The following PRKD1 variants were observed in gnomAD, a reference collection of about 807,000 sequenced individuals.
The protein encoded by PRKD1 is serine/threonine-protein kinase D1.
In PRKD1, 63 loss-of-function variants were observed where a neutral mutation model predicts 95.9. That is an observed-to-expected ratio of 0.66 (90% CI 0.54 to 0.81). The LOEUF (loss-of-function observed/expected upper bound fraction) is 0.81. Ranked by LOEUF, PRKD1 falls within the 30% of genes least tolerant of loss-of-function variation. The pLI is 0.00. For synonymous variants in PRKD1, 425 were observed against 423.1 expected (o/e 1.00, Z -0.05); for missense variants, 1,048 against 1,165.3 (o/e 0.90, Z 1.47).
chr14:29,635,169 A>G (rs1295046709), intron 7 of PRKD1, among the ~76,000 whole-genome samples: 1 of 152,250 alleles, frequency 6.6e-6, no homozygotes, highest in Non-Finnish European at 1.5e-5. Context: ...AGACTCACAC[A>G]TGAAAGCTTA....
chr14:29,853,278 A>C (rs1892376374), intron 1 of PRKD1, among the ~76,000 whole-genome samples: 1 of 152,232 alleles, frequency 6.6e-6, no homozygotes, highest in Admixed American at 6.5e-5. Context: ...AAAGTCCTAT[A>C]ACTTTACTGC....
intron 1 of PRKD1, among the ~76,000 whole-genome samples, chr14:29,893,284 C>G (rs1894003425): frequency 1.3e-5 from 2 of 151,718 alleles, no homozygotes; most frequent in African/African-American, 4.8e-5. Context: ...CCAACAAAAC[C>G]AAATTTTCTT....
intron 1 of PRKD1, among the ~76,000 whole-genome samples, chr14:29,808,146 T>C (rs1304863327): frequency 1.3e-5 from 2 of 152,160 alleles, no homozygotes; most frequent in Non-Finnish European, 2.9e-5. Flanking sequence ...TCTTTCAAAA[T>C]TGGAGTCAAT....
At chr14:29,926,506 C>T (rs536880140) in intron 1 of PRKD1, among the ~76,000 whole-genome samples, 3 of 152,264 alleles carry the variant, frequency 2.0e-5, no homozygotes, top group Admixed American at 2.0e-4. Flanking sequence ...AATGACCCTT[C>T]TAACCTGCCT....
chr14:29,628,905 C>CAG (rs869307663), intron 11 of PRKD1, 136 bp downstream of exon 11: 10 of 307,986 alleles, frequency 3.2e-5, no homozygotes, highest in Non-Finnish European at 4.6e-5. Context: ...TAAAATATCA[C>CAG]AAAAAAATAT....
At chr14:29,600,234 G>A (rs952317537) in intron 13 of PRKD1, among the ~76,000 whole-genome samples, 16 of 151,994 alleles carry the variant, frequency 1.1e-4, no homozygotes, top group Non-Finnish European at 2.1e-4. Flanking sequence ...GTAGTGCATC[G>A]GGCCATGCAC....
At chr14:29,746,881 C>G (rs565940987) in intron 1 of PRKD1, among the ~76,000 whole-genome samples, 4 of 152,168 alleles carry the variant, frequency 2.6e-5, no homozygotes, top group East Asian at 1.9e-4. Context: ...AAATATTACT[C>G]TCAGCTAACA....
At chr14:29,724,134 A>T (rs1886032090) in intron 2 of PRKD1, among the ~76,000 whole-genome samples, 1 of 152,136 alleles carries the variant, frequency 6.6e-6, no homozygotes, top group South Asian at 2.1e-4. Context: ...ACATAAATAC[A>T]CCCACACACA....
intron 4 of PRKD1, among the ~76,000 whole-genome samples, chr14:29,653,403 C>A (rs560661314): frequency 6.6e-6 from 1 of 152,096 alleles, no homozygotes; most frequent in Admixed American, 6.5e-5. Context: ...TTAGTAGATA[C>A]CTCCTTAAAG....
intron 10 of PRKD1, among the ~76,000 whole-genome samples, chr14:29,629,710 T>C (rs11623171): frequency 0.15 from 22,323 of 152,074 alleles, 1,711 homozygotes; most frequent in Non-Finnish European, 0.16. Context: ...AAATTTATCC[T>C]CAATACTGAA....
rs375691283 is a variant in PRKD1 at position 29,725,608 on chromosome 14, C to T, written c.331G>A (p.Glu111Lys). 47 of 1,613,632 alleles carry T rather than the reference C, an allele frequency of 2.9e-5. No individual in the cohort carries two copies. The highest frequency in any genetic ancestry group is 2.3e-4 in the Admixed American group (14 of 59,946). ...GCTTTCACCAGCTGAAGGATGTTTT[C>T]AGAGGTAGGGTCATGGCGAAAAAGC... Reference protein sequence around the residue: ...ILLFRHDPTSENILQLVKAAS... With the variant: ...ILLFRHDPTSKNILQLVKAAS... The change falls in exon 2 of 18, where the codon GAA (glutamate) becomes AAA (lysine). Residue 111 changes from glutamate to lysine, a missense_variant. By Grantham distance (56) the Glu-to-Lys change is moderately conservative (BLOSUM62 1). Transcript: ENST00000331968.
At chr14:29,613,678 T>G (rs1380531701) in intron 13 of PRKD1, among the ~76,000 whole-genome samples, 1 of 152,184 alleles carries the variant, frequency 6.6e-6, no homozygotes, top group African/African-American at 2.4e-5. Context: ...ATCATAGCAA[T>G]TTCTTTTTGA....
intron 1 of PRKD1, among the ~76,000 whole-genome samples, chr14:29,839,491 GTGCAAGC>G (rs377608963): frequency 6.6e-6 from 1 of 152,154 alleles, no homozygotes; most frequent in African/African-American, 2.4e-5. Context: ...GGGGTGCACG[GTGCAAGC>G]TGTCAATGGA....
Position 29,599,756 on chromosome 14 carries a change from A to T in PRKD1, c.1967T>A (p.Phe656Tyr). ...TCCATGGAGTTTTTCCATAACAACA[A>T]ACACTCTTTCAGGCGTCTCAAACAT... ...ECMFETPERV[F>Y]VVMEKLHGDM... Residue 656 changes from phenylalanine to tyrosine, a missense_variant, in exon 14 of 18, where the codon TTT (phenylalanine) becomes TAT (tyrosine). Phe to Tyr is a conservative substitution (Grantham distance 22). Around this residue, in one of 3 missense-constraint regions of PRKD1, gnomAD observed 739 missense variants for 861.9 expected, o/e 0.86. Transcript: ENST00000331968. The T allele has an allele frequency of 6.2e-7, 1 of 1,613,404 alleles. No homozygotes were observed. The highest frequency in any genetic ancestry group is 8.5e-7 in the Non-Finnish European group (1 of 1,179,694).
intron 1 of PRKD1, among the ~76,000 whole-genome samples, chr14:29,838,549 CA>C (rs1566629179): frequency 1.3e-5 from 2 of 151,730 alleles, no homozygotes; most frequent in African/African-American, 2.4e-5. Context: ...GCACAGTGAT[CA>C]AAAAAAAGTT....
intron 2 of PRKD1, among the ~76,000 whole-genome samples, chr14:29,675,521 A>G (rs545123262): frequency 1.1e-3 from 170 of 152,296 alleles, no homozygotes; most frequent in Admixed American, 4.8e-3. Flanking sequence ...ACACTTTTAC[A>G]CTGTTGGTGA....
At chr14:29,723,558 A>G (rs1425939718) in intron 2 of PRKD1, among the ~76,000 whole-genome samples, 2 of 152,156 alleles carry the variant, frequency 1.3e-5, no homozygotes, top group East Asian at 1.9e-4. Context: ...GTAAACATAA[A>G]CATTTATTGA....
At chr14:29,604,062 T>G (rs571839521) in intron 13 of PRKD1, among the ~76,000 whole-genome samples, 37 of 152,286 alleles carry the variant, frequency 2.4e-4, no homozygotes, top group African/African-American at 8.4e-4. Flanking sequence ...TCAATGGAAA[T>G]TAGTCACTAG....
intron 2 of PRKD1, among the ~76,000 whole-genome samples, chr14:29,694,450 T>C (rs531342333): frequency 5.9e-5 from 9 of 152,314 alleles, no homozygotes; most frequent in Non-Finnish European, 1.2e-4. Flanking sequence ...AATGTTCTGA[T>C]ATTAAACGAT....
Sources: allele counts gnomAD v4.1 joint callset (sites outside exome capture counted in the v4.1 genomes callset), GRCh38; gene constraint gnomAD v4.1.1; regional missense constraint gnomAD v4.1.1; transcripts MANE v1.5; gene names NCBI Gene and HGNC (gene_info 2026-07-23, HGNC 2026-07-21).